SBNO1: variants seen among roughly 807,000 people sequenced by gnomAD.
The protein encoded by SBNO1 is protein strawberry notch homolog 1.
Under a neutral mutation model 173.6 loss-of-function variants are expected in SBNO1, and 23 were observed. The ratio of observed to expected loss-of-function variants is 0.13; its 90% CI spans 0.10 to 0.19. The LOEUF is 0.19. Among genes scored for constraint, SBNO1 ranks in the 10% least tolerant of loss-of-function variants. The probability of loss-of-function intolerance (pLI) is 1.00; values close to 1 mark genes in which losing one functional copy is unlikely to be tolerated. For synonymous variants in SBNO1, 632 were observed against 571.5 expected (o/e 1.11, Z -1.51); for missense variants, 1,238 against 1,671.2 (o/e 0.74, Z 4.52).
intron 1 of SBNO1, among the ~76,000 whole-genome samples, chr12:123,361,219 G>A (rs1875118308): frequency 6.6e-6 from 1 of 151,848 alleles, no homozygotes; most frequent in African/African-American, 2.4e-5. Flanking sequence ...ACTCCAGCCT[G>A]GGCAACAAAG....
In SBNO1 at chr12:123,321,285, G is replaced by C. The variant is rs183688389; in HGVS notation, c.2323+250C>G. Among the ~76,000 whole-genome samples, 461 of 152,126 alleles carry C rather than the reference G, an allele frequency of 3.0e-3. 2 individuals are homozygous for C. Among genetic ancestry groups the C allele is most frequent in the African/African-American group, 0.01 (422 of 41,510 alleles). ...TGATAACTTATCACCACCTACATTG[G>C]TTCATCCATACACCATGGGGTACAA... On this transcript the variant is annotated intron_variant, in intron 17 of 31. Transcript: ENST00000602398.
intron 21 of SBNO1, 93 bp downstream of exon 21, chr12:123,317,128 G>T: frequency 7.4e-7 from 1 of 1,359,858 alleles, no homozygotes; most frequent in Non-Finnish European, 1.0e-6. Context: ...GTGAGCCTCT[G>T]TGCCCGGCCT....
intron 6 of SBNO1, among the ~76,000 whole-genome samples, chr12:123,335,402 G>A (rs1871718267): frequency 6.6e-6 from 1 of 152,226 alleles, no homozygotes; most frequent in African/African-American, 2.4e-5. Flanking sequence ...AGTGAGGCAA[G>A]AGCATGCCAC....
intron 30 of SBNO1, among the ~76,000 whole-genome samples, chr12:123,299,502 A>G (rs1415722060): frequency 6.6e-6 from 1 of 150,984 alleles, no homozygotes; most frequent in East Asian, 1.9e-4. Flanking sequence ...TAACATGGTG[A>G]AACCCCGTCT....
At chr12:123,336,336 A>G in intron 6 of SBNO1, 59 bp downstream of exon 6, 1 of 1,080,490 alleles carries the variant, frequency 9.3e-7, no homozygotes, top group Non-Finnish European at 1.4e-6. Context: ...AAACAAAAAG[A>G]ACCAAAGAAA....
intron 1 of SBNO1, among the ~76,000 whole-genome samples, chr12:123,360,515 G>A (rs559914266): frequency 6.6e-6 from 1 of 151,974 alleles, no homozygotes; most frequent in Admixed American, 6.6e-5. Context: ...CGCAATCTCG[G>A]CTCACTGCAA....
At chr12:123,358,473 G>C (rs1275649706) in intron 1 of SBNO1, among the ~76,000 whole-genome samples, 1 of 152,098 alleles carries the variant, frequency 6.6e-6, no homozygotes, top group African/African-American at 2.4e-5. Flanking sequence ...TGAAATACGG[G>C]CCAGGCGCGG....
At chr12:123,351,631 A>G (rs970421446) in intron 1 of SBNO1, among the ~76,000 whole-genome samples, 6 of 152,106 alleles carry the variant, frequency 3.9e-5, no homozygotes, top group Admixed American at 3.3e-4. Flanking sequence ...GTAAAGATAG[A>G]AAAAAATAGA....
At chr12:123,329,374 CTTT>C (rs60825775) in intron 9 of SBNO1, among the ~76,000 whole-genome samples, 8 of 133,812 alleles carry the variant, frequency 6.0e-5, no homozygotes, top group Admixed American at 7.7e-5. Context: ...GAGCTGAGAT[CTTT>C]TTTTTTTTTT....
chr12:123,318,594 G>A (rs895181102), intron 20 of SBNO1, among the ~76,000 whole-genome samples: 7 of 152,036 alleles, frequency 4.6e-5, no homozygotes, highest in Non-Finnish European at 8.8e-5. Context: ...TTAGCCAGGC[G>A]TGGTGGCGCG....
chr12:123,327,419 T>A lies in SBNO1; in HGVS notation c.1692+7A>T, dbSNP rs781114803. On this transcript the variant is annotated splice_region_variant and intron_variant, in intron 13 of 31. Transcript: ENST00000602398. ...ATAAACACTAGGAATTAAGAAAAAT[T>A]CCTCACCAGCTTGACAGCTTTGTTA... The A allele has an allele frequency of 3.7e-6, 6 of 1,604,574 alleles. No homozygotes were observed. In the South Asian group the frequency reaches 5.6e-5, roughly 15 times the overall value.
chr12:123,321,141 G>A (rs568457534), intron 17 of SBNO1, among the ~76,000 whole-genome samples: 25 of 152,058 alleles, frequency 1.6e-4, no homozygotes, highest in Admixed American at 2.0e-4. Context: ...GTTTTTCCAC[G>A]TTGGTCAGGC....
chr12:123,326,651 C>T (rs968113567), intron 13 of SBNO1, among the ~76,000 whole-genome samples: 3 of 152,154 alleles, frequency 2.0e-5, no homozygotes, highest in East Asian at 1.9e-4. Context: ...TTAGGCCAGG[C>T]GCAGTGGCTG....
At chr12:123,354,457 A>T (rs753773702) in intron 1 of SBNO1, among the ~76,000 whole-genome samples, 28 of 152,186 alleles carry the variant, frequency 1.8e-4, no homozygotes, top group Non-Finnish European at 3.4e-4. Context: ...AAACGGGCAC[A>T]AATTCTCTAT....
intron 17 of SBNO1, among the ~76,000 whole-genome samples, chr12:123,321,275 AC>A (rs1363506251): frequency 6.6e-6 from 1 of 152,066 alleles, no homozygotes; most frequent in African/African-American, 2.4e-5. Flanking sequence ...ACTTATCACC[AC>A]CTACATTGGT....
intron 15 of SBNO1, 148 bp from the exon 16 acceptor site, chr12:123,323,979 G>A (rs921881497): frequency 3.8e-6 from 2 of 531,156 alleles, no homozygotes; most frequent in Non-Finnish European, 5.9e-6. Context: ...CTAGCCCAAA[G>A]CTGTCCAACT....
Position 123,351,349 on chromosome 12 carries a change from AT to A in SBNO1, c.1-909del, listed in dbSNP as rs144545131. 6.1e-3 allele frequency among the ~76,000 whole-genome samples: 926 copies of A among 152,278 alleles called. 13 individuals carry two copies. Among genetic ancestry groups the A allele is most frequent in the African/African-American group, 0.021 (887 of 41,562 alleles). ...CACGGCAGATTTGTGATTTAGAAAG[AT>A]TACAAGTCTGGGCACTGTGGCTCAA... is the stretch of plus-strand genomic sequence containing the variant. On this transcript the variant is annotated intron_variant, in intron 1 of 31. Coordinates refer to ENST00000602398, the MANE Select transcript of SBNO1 (RefSeq NM_001167856.3).
intron 10 of SBNO1, 144 bp from the exon 11 acceptor site, chr12:123,328,171 T>C (rs757604924): frequency 1.8e-6 from 1 of 569,620 alleles, no homozygotes. Flanking sequence ...CTATGGGCCT[T>C]TCCCCAGTTA....
chr12:123,325,161 C>T (rs1053615206), intron 15 of SBNO1, among the ~76,000 whole-genome samples: 3 of 152,114 alleles, frequency 2.0e-5, no homozygotes, highest in African/African-American at 7.2e-5. Flanking sequence ...GTTACTGTTC[C>T]TGTGGATAAC....
Sources: allele counts gnomAD v4.1 joint callset (sites outside exome capture counted in the v4.1 genomes callset), GRCh38; gene constraint gnomAD v4.1.1; transcripts MANE v1.5; gene names NCBI Gene and HGNC (gene_info 2026-07-23, HGNC 2026-07-21).